The following ASRGL1 variants were observed in gnomAD, a reference collection of about 807,000 sequenced individuals.
ASRGL1 encodes the protein isoaspartyl peptidase/L-asparaginase.
Under a neutral mutation model 22.4 loss-of-function variants are expected in ASRGL1, and 16 were observed. The ratio of observed to expected loss-of-function variants is 0.71; its 90% confidence interval spans 0.48 to 1.08. ASRGL1 has a LOEUF of 1.08. ASRGL1 is among the 50% of genes least tolerant of loss of function. The pLI is 0.00. For synonymous variants in ASRGL1, 165 were observed against 159.3 expected (o/e 1.04, Z -0.27); for missense variants, 412 against 410.1 (o/e 1.00, Z -0.04).
At chr11:62,355,238 T>G (rs1255413218) in intron 2 of ASRGL1, among the ~76,000 whole-genome samples, 6 of 147,952 alleles carry the variant, frequency 4.1e-5, no homozygotes, top group Admixed American at 2.0e-4. Flanking sequence ...TCTCTCTTTT[T>G]TTTTTGAGAT....
At chr11:62,383,626 A>AAAAAAAAAAAAAAAAAAAC (rs1947129415) in intron 4 of ASRGL1, among the ~76,000 whole-genome samples, 2 of 141,596 alleles carry the variant, frequency 1.4e-5, no homozygotes, top group Non-Finnish European at 1.5e-5. Context: ...AAAAAAAAAA[A>AAAAAAAAAAAAAAAAAAAC]AAGAACATCA....
chr11:62,371,394 C>T (rs1295247730), intron 4 of ASRGL1: 10 of 602,128 alleles, frequency 1.7e-5, no homozygotes, highest in East Asian at 3.2e-5. Context: ...TGGTGGTCGC[C>T]GAACCCGAGC....
At chr11:62,393,499 G>A (rs572552197), downstream of ASRGL1, 52 of 152,308 alleles carry the variant, frequency 3.4e-4, 1 homozygote, top group Admixed American at 2.0e-3. Flanking sequence ...CAGAGACCTC[G>A]AGATGAGGAT....
At chr11:62,368,662 A>G (rs1946680184) in intron 4 of ASRGL1, among the ~76,000 whole-genome samples, 1 of 152,060 alleles carries the variant, frequency 6.6e-6, no homozygotes, top group Non-Finnish European at 1.5e-5. Context: ...TTCCCTCAGT[A>G]TTTATTGATC....
chr11:62,338,160 C>T lies in ASRGL1; in HGVS notation c.183C>T (p.Phe61=). ...AVVALEDDPE[F]NAGCGSVLNT... Reference sequence around the variant, plus strand: ...TCGCCCTGGAAGACGATCCCGAGTTCAACGCAGGTAAATGTGCCTTTCAGC... The same window carrying T: ...TCGCCCTGGAAGACGATCCCGAGTTTAACGCAGGTAAATGTGCCTTTCAGC... The change falls in exon 2 of 7, where the codon TTC becomes TTT. Residue 61 remains phenylalanine (F), a synonymous_variant. Transcript: ENST00000415229. The T allele has an allele frequency of 6.4e-7, 1 of 1,569,874 alleles. No individual in the cohort carries two copies. The highest frequency in any genetic ancestry group is 8.6e-7 in the Non-Finnish European group (1 of 1,160,096).
intron 4 of ASRGL1, among the ~76,000 whole-genome samples, chr11:62,361,261 A>T (rs1946425860): frequency 6.6e-6 from 1 of 151,930 alleles, no homozygotes; most frequent in Non-Finnish European, 1.5e-5. Context: ...TTACAGTCGT[A>T]GCTCACTGCA....
chr11:62,337,933 C>A lies in ASRGL1; in HGVS notation c.-45C>A. The A allele has an allele frequency of 6.4e-7, 1 of 1,553,192 alleles. No individual in the cohort carries two copies. Among genetic ancestry groups the A allele is most frequent in the Middle Eastern group, 2.2e-4 (1 of 4,604 alleles). On this transcript the variant is annotated 5_prime_UTR_variant, in exon 2 of 7. Coordinates refer to ENST00000415229, the MANE Select transcript of ASRGL1 (RefSeq NM_001083926.2). ...TACCCGCGCGGCTTCCTTGGGCTGGCTTTGGACGACGCTTTCGCCTTCCTG... is the reference window on the plus strand; with the variant it reads ...TACCCGCGCGGCTTCCTTGGGCTGGATTTGGACGACGCTTTCGCCTTCCTG...
At chr11:62,383,381 A>AC (rs1234996193) in intron 4 of ASRGL1, 3 of 151,210 alleles carry the variant, frequency 2.0e-5, no homozygotes, top group African/African-American at 7.3e-5. Context: ...AGGCGGGCGG[A>AC]TCACGAGGTC....
intron 2 of ASRGL1, among the ~76,000 whole-genome samples, chr11:62,349,684 T>G (rs1442134007): frequency 6.6e-6 from 1 of 152,188 alleles, no homozygotes; most frequent in Non-Finnish European, 1.5e-5. Context: ...TTCTTGGATC[T>G]CACGCAAGAA....
chr11:62,337,622 G>T (rs973328343), intron 1 of ASRGL1, 48 bp downstream of exon 1: 6 of 182,068 alleles, frequency 3.3e-5, no homozygotes, highest in African/African-American at 1.4e-4. Flanking sequence ...GCGGGAGGGC[G>T]AATGAAATAA....
intron 4 of ASRGL1, chr11:62,372,721 T>C: frequency 7.0e-7 from 1 of 1,428,448 alleles, no homozygotes; most frequent in Non-Finnish European, 9.9e-7. Flanking sequence ...GATGAGATGG[T>C]CCCCCGCCTG....
At chr11:62,346,202 T>A (rs1301478442) in intron 2 of ASRGL1, among the ~76,000 whole-genome samples, 2 of 152,162 alleles carry the variant, frequency 1.3e-5, no homozygotes, top group Admixed American at 6.5e-5. Flanking sequence ...GACTCCCTCC[T>A]CGAATTCAGT....
chr11:62,367,734 G>A (rs753468875), intron 4 of ASRGL1, among the ~76,000 whole-genome samples: 23 of 151,822 alleles, frequency 1.5e-4, no homozygotes, highest in Non-Finnish European at 2.9e-4. Context: ...ACAAGGTCAG[G>A]AGTTCGAGAC....
intron 4 of ASRGL1, among the ~76,000 whole-genome samples, chr11:62,374,241 T>C (rs1946854331): frequency 6.6e-6 from 1 of 152,180 alleles, no homozygotes; most frequent in African/African-American, 2.4e-5. Flanking sequence ...CTTCCTCACA[T>C]GTCAGCACGG....
At chr11:62,369,244 A>G (rs751455842) in intron 4 of ASRGL1, among the ~76,000 whole-genome samples, 3 of 152,226 alleles carry the variant, frequency 2.0e-5, no homozygotes, top group Non-Finnish European at 4.4e-5. Flanking sequence ...ACTTTTTTTT[A>G]ACAAAGTACA....
intron 2 of ASRGL1, among the ~76,000 whole-genome samples, chr11:62,353,307 T>C (rs956831618): frequency 3.3e-4 from 50 of 151,984 alleles, no homozygotes; most frequent in African/African-American, 1.2e-3. Flanking sequence ...ATAATTTTTT[T>C]AGTTATTTCA....
At chr11:62,398,830 A>G in the ASRGL1 span, among the ~76,000 whole-genome samples, 1 of 152,118 alleles carries the variant, frequency 6.6e-6, no homozygotes, top group Non-Finnish European at 1.5e-5. Context: ...CTCATGACTA[A>G]AAGTCCATCA....
At chr11:62,400,323 T>G in the ASRGL1 span, among the ~76,000 whole-genome samples, 2 of 152,234 alleles carry the variant, frequency 1.3e-5, no homozygotes, top group Non-Finnish European at 2.9e-5. Context: ...TTCTCAGAAG[T>G]GTGCCTGCCC....
chr11:62,343,487 TG>T (rs1054212368), intron 2 of ASRGL1, among the ~76,000 whole-genome samples: 1 of 151,298 alleles, frequency 6.6e-6, no homozygotes, highest in Non-Finnish European at 1.5e-5. Context: ...CCCAGCACTT[TG>T]GGAGGCCGAC....
Sources: gnomAD v4.1 joint callset for allele counts (sites outside exome capture counted in the v4.1 genomes callset) on GRCh38, gnomAD v4.1.1 for gene constraint, MANE v1.5 for transcripts, NCBI Gene and HGNC (gene_info 2026-07-23, HGNC 2026-07-21) for gene names.